Variants in YTHDC2 observed in about 807,000 individuals in gnomAD.
YTHDC2 encodes the protein 3'-5' RNA helicase YTHDC2.
YTHDC2 carries 45 observed loss-of-function variants against 174.9 expected under a neutral mutation model. The observed-to-expected ratio is 0.26, with a 90% CI of 0.20 to 0.33. The LOEUF (loss-of-function observed/expected upper bound fraction) is 0.33. YTHDC2 is among the 10% of genes least tolerant of loss of function. YTHDC2 has a pLI of 1.00. For missense variants in YTHDC2, 1,650 were observed against 1,723.7 expected (o/e 0.96, Z 0.76); for synonymous variants, 657 against 574.5 (o/e 1.14, Z -2.05).
intron 23 of YTHDC2, among the ~76,000 whole-genome samples, chr5:113,569,099 C>G (rs1777547746): frequency 1.3e-5 from 2 of 152,238 alleles, no homozygotes; most frequent in South Asian, 2.1e-4. Context: ...CAGTAATGAT[C>G]AGTGACGTTG....
At chr5:113,538,634 C>A (rs1252353861) in intron 7 of YTHDC2, among the ~76,000 whole-genome samples, 1 of 148,176 alleles carries the variant, frequency 6.7e-6, no homozygotes, top group Non-Finnish European at 1.5e-5. Context: ...AGGATACTTT[C>A]TTGATGTTGT....
intron 4 of YTHDC2, among the ~76,000 whole-genome samples, chr5:113,531,043 G>A (rs1774620689): frequency 6.6e-6 from 1 of 152,308 alleles, no homozygotes; most frequent in East Asian, 1.9e-4. Context: ...AAACTTGGAT[G>A]TAATTCTTAC....
intron 26 of YTHDC2, among the ~76,000 whole-genome samples, chr5:113,588,448 A>C (rs927185408): frequency 6.6e-6 from 1 of 151,574 alleles, no homozygotes; most frequent in Non-Finnish European, 1.5e-5. Context: ...CTTTTTTCTT[A>C]TGTATCTTTG....
intron 2 of YTHDC2, among the ~76,000 whole-genome samples, chr5:113,521,518 G>A (rs1033216443): frequency 2.6e-5 from 4 of 152,032 alleles, no homozygotes; most frequent in Non-Finnish European, 5.9e-5. Context: ...ATCACCTGAG[G>A]TCAGGAGTTC....
At chr5:113,521,075 C>T (rs1374247202) in intron 2 of YTHDC2, among the ~76,000 whole-genome samples, 1 of 152,156 alleles carries the variant, frequency 6.6e-6, no homozygotes, top group East Asian at 1.9e-4. Flanking sequence ...CATCTGTGTT[C>T]CTGCAAAGGA....
At position 113,553,575 on chromosome 5, in the gene YTHDC2, T is replaced by C. The variant is rs369423668; in HGVS notation, c.1868-15T>C. 8.0e-4 allele frequency: 1,287 copies of C among 1,609,936 alleles called. 2 individuals carry two copies. The highest frequency in any genetic ancestry group is 1.0e-3 in the Non-Finnish European group (1,229 of 1,177,754). On this transcript the variant is annotated splice_polypyrimidine_tract_variant and intron_variant, in intron 13 of 29. Transcript: ENST00000161863. ...CACAATGAGATTTAATATTAAAAAG[T>C]CATTCTTCTCCAAGGTGCAGTACTA...
chr5:113,529,821 G>T (rs573617738), intron 4 of YTHDC2, among the ~76,000 whole-genome samples: 2 of 151,956 alleles, frequency 1.3e-5, no homozygotes, highest in African/African-American at 4.8e-5. Flanking sequence ...ATGGTATCTT[G>T]TTCAGTAGTT....
At chr5:113,525,537 A>G (rs1774155447) in intron 3 of YTHDC2, among the ~76,000 whole-genome samples, 1 of 152,182 alleles carries the variant, frequency 6.6e-6, no homozygotes, top group South Asian at 2.1e-4. Context: ...GAGGAATTAA[A>G]TAATTCATTC....
At chr5:113,592,254 G>C in intron 28 of YTHDC2, 76 bp downstream of exon 28, 2 of 1,372,282 alleles carry the variant, frequency 1.5e-6, no homozygotes, top group South Asian at 3.1e-5. Context: ...TAATTGAGGA[G>C]AAAATGTAAG....
Position 113,526,644 on chromosome 5 carries a change from A to G in YTHDC2, c.534A>G (p.Pro178=). 1 of 1,605,866 alleles carries G rather than the reference A, an allele frequency of 6.2e-7. No individual in the cohort carries two copies. Among genetic ancestry groups the G allele is most frequent in the South Asian group, 1.1e-5 (1 of 90,186 alleles). ...GRLNNGIPQI[P]VKRGESEFDS... ...TCAACAATGGCATACCTCAGATTCC[A>G]GTGAAAAGAGGAGAATCCGAATTTG... Residue 178 remains proline, a synonymous_variant, in exon 4 of 30, where the codon CCA becomes CCG. Transcript: ENST00000161863.
chr5:113,561,397 A>G (rs980314045), intron 18 of YTHDC2, among the ~76,000 whole-genome samples: 4 of 151,108 alleles, frequency 2.6e-5, no homozygotes, highest in African/African-American at 7.3e-5. Flanking sequence ...AATCACTTGA[A>G]TATTTAAATT....
At chr5:113,548,498 T>C in intron 10 of YTHDC2, 43 bp from the exon 11 acceptor site, 1 of 1,552,552 alleles carries the variant, frequency 6.4e-7, no homozygotes, top group Non-Finnish European at 8.7e-7. Context: ...TGGTTTGAAG[T>C]ACTTTGGAAA....
At chr5:113,543,203 G>A (rs1408249468) in intron 10 of YTHDC2, among the ~76,000 whole-genome samples, 1 of 152,040 alleles carries the variant, frequency 6.6e-6, no homozygotes, top group Non-Finnish European at 1.5e-5. Context: ...ATCTCCAGTT[G>A]GATGTCTGTT....
intron 23 of YTHDC2, among the ~76,000 whole-genome samples, chr5:113,570,599 A>C (rs541543785): frequency 6.6e-6 from 1 of 152,206 alleles, no homozygotes; most frequent in African/African-American, 2.4e-5. Flanking sequence ...GATGTAGATC[A>C]TATCAACTAC....
At chr5:113,515,135 AAT>A in intron 1 of YTHDC2, 135 bp from the exon 2 acceptor site, 1 of 488,564 alleles carries the variant, frequency 2.0e-6, no homozygotes, top group Non-Finnish European at 3.6e-6. Flanking sequence ...TAGAATATGA[AAT>A]ATAAAGTTAA....
At position 113,525,034 on chromosome 5, in the gene YTHDC2, C is replaced by T. The variant is rs1360936418; in HGVS notation, c.332C>T (p.Ala111Val). 6.2e-7 allele frequency: 1 copy of T among 1,611,014 alleles called. No homozygotes were observed. Among genetic ancestry groups the T allele is most frequent in the East Asian group, 2.2e-5 (1 of 44,662 alleles). ...AAGAAGAAAGATGGATCAGAAACAGCTCATGCAATGATGACCTGTAATTTG... is the reference window on the plus strand; with the variant it reads ...AAGAAGAAAGATGGATCAGAAACAGTTCATGCAATGATGACCTGTAATTTG... ...TVKKKDGSET[A>V]HAMMTCNLTH... Residue 111 changes from alanine (A) to valine (V), a missense_variant, in exon 3 of 30, where the codon GCT (alanine) becomes GTT (valine). Transcript: ENST00000161863.
At chr5:113,571,964 A>G (rs1217485945) in intron 23 of YTHDC2, among the ~76,000 whole-genome samples, 2 of 152,068 alleles carry the variant, frequency 1.3e-5, no homozygotes, top group African/African-American at 2.4e-5. Context: ...TCCTGTCTCT[A>G]TCGCCTTCAC....
chr5:113,550,057 A>AAACT (rs1776143883), intron 12 of YTHDC2, among the ~76,000 whole-genome samples: 7 of 152,122 alleles, frequency 4.6e-5, no homozygotes, highest in Admixed American at 4.6e-4. Context: ...CTTTATTAGG[A>AAACT]AACTGTTGGA....
chr5:113,549,031 G>T lies in YTHDC2; in HGVS notation c.1688+11G>T. 6.2e-7 allele frequency: 1 copy of T among 1,605,134 alleles called. No individual in the cohort carries two copies. The highest frequency in any genetic ancestry group is 8.5e-7 in the Non-Finnish European group (1 of 1,173,546). ...TCTAGAATCTTACAGGTAAAACTTT[G>T]TACTATTTTAAATTAATTCTACCGT... On this transcript the variant is annotated intron_variant, in intron 12 of 29. Transcript: ENST00000161863.
Sources: allele counts gnomAD v4.1 joint callset (sites outside exome capture counted in the v4.1 genomes callset), GRCh38; gene constraint gnomAD v4.1.1; transcripts MANE v1.5; gene names NCBI Gene and HGNC (gene_info 2026-07-23, HGNC 2026-07-21).